Variants in CLEC12A observed in about 807,000 individuals in gnomAD.
CLEC12A encodes C-type lectin domain family 12 member A.
Under a neutral mutation model 26.5 loss-of-function variants are expected in CLEC12A, and 22 were observed. The ratio of observed to expected loss-of-function variants is 0.83; its 90% CI spans 0.59 to 1.19. CLEC12A has a LOEUF of 1.19. Among genes scored for constraint, CLEC12A ranks in the 50% most tolerant of loss-of-function variants. The pLI is 0.00. For missense variants in CLEC12A, 353 were observed against 315.6 expected, an observed-to-expected ratio of 1.12 and a Z score of -0.90; for synonymous variants, 119 against 101.9, an observed-to-expected ratio of 1.17 and a Z score of -1.01.
chr12:9,958,447 G>A (rs1863777662), intron 1 of CLEC12A, among the ~76,000 whole-genome samples: 4 of 152,178 alleles, frequency 2.6e-5, no homozygotes, highest in African/African-American at 7.2e-5. Flanking sequence ...TCCAGATGAA[G>A]CAACAGATAT....
At chr12:9,957,119 CT>C in intron 1 of CLEC12A, among the ~76,000 whole-genome samples, 1 of 152,200 alleles carries the variant, frequency 6.6e-6, no homozygotes, top group Non-Finnish European at 1.5e-5. Flanking sequence ...AAGTCTGTGC[CT>C]TTCTCCAAAG....
At position 9,982,008 on chromosome 12, in the gene CLEC12A, T is replaced by A; in HGVS notation, c.532-12T>A. On this transcript the variant is annotated splice_polypyrimidine_tract_variant and intron_variant, in intron 4 of 5. Coordinates refer to ENST00000304361, the MANE Select transcript of CLEC12A (RefSeq NM_138337.6). ...GACTGTTTCTTAAACAGACTATCTG[T>A]ATTTCCTGTAGGAATTTATAAAATC... 7.8e-7 allele frequency: 1 copy of A among 1,287,810 alleles called. No homozygotes were observed. 79.8% of individuals were successfully genotyped at this position (1,287,810 alleles called of 1,614,324 possible).
the CLEC12A span, among the ~76,000 whole-genome samples, chr12:10,001,927 T>G: frequency 1.3e-5 from 2 of 148,912 alleles, no homozygotes; most frequent in Non-Finnish European, 3.0e-5. Flanking sequence ...TCGTCCAGGC[T>G]GGAGTGCAGT....
downstream of CLEC12A, chr12:9,998,249 T>C (rs767930448): frequency 6.5e-7 from 1 of 1,545,888 alleles, no homozygotes; most frequent in African/African-American, 1.4e-5. Flanking sequence ...ATTACCTTCC[T>C]CCAGTCAAAT....
the CLEC12A span, among the ~76,000 whole-genome samples, chr12:10,005,605 A>G: frequency 0.38 from 57,731 of 152,108 alleles, 11,294 homozygotes; most frequent in African/African-American, 0.42. Flanking sequence ...GAAAGCCACA[A>G]GGCAAGTAAG....
At position 9,992,311 on chromosome 12, in the gene CLEC12A, T is replaced by C. The variant is rs1864911397; in HGVS notation, n.1005-2707T>C. 2.0e-5 allele frequency: 3 copies of C among 152,152 alleles called. No homozygotes were observed. The South Asian group carries it at 6.2e-4, about 31-fold the overall frequency. 9.4% of individuals were successfully genotyped at this position (152,152 alleles called of 1,614,324 possible). A position where few individuals can be genotyped will look rare whatever the true frequency, so the allele number is the denominator to read the frequency against. On this transcript the variant is annotated intron_variant and non_coding_transcript_variant, in intron 4 of 4. Transcript: ENST00000449959. ...ACCCAGTGAGTTTTCTTGCAAACTT[T>C]CTTTTCCTTCTCTAGCGCAGAAAAT... is the stretch of plus-strand genomic sequence containing the variant.
At chr12:9,978,883 A>G in intron 1 of CLEC12A, 83 bp from the exon 2 acceptor site, 6 of 936,870 alleles carry the variant, frequency 6.4e-6, no homozygotes, top group Non-Finnish European at 1.0e-5. Flanking sequence ...TAAAGGTAAA[A>G]TGAATGAATG....
At chr12:9,965,054 A>T (rs1863906073) in intron 1 of CLEC12A, among the ~76,000 whole-genome samples, 1 of 152,170 alleles carries the variant, frequency 6.6e-6, no homozygotes, top group Non-Finnish European at 1.5e-5. Flanking sequence ...CAGGTGGGAG[A>T]AAGAAAATAG....
chr12:9,999,916 C>T (rs1338419417), downstream of CLEC12A, among the ~76,000 whole-genome samples: 1 of 152,140 alleles, frequency 6.6e-6, no homozygotes, highest in East Asian at 1.9e-4. Flanking sequence ...TTCCTAGCAC[C>T]TTTTCATCAC....
At chr12:9,972,169 T>A (rs772244954) in intron 1 of CLEC12A, among the ~76,000 whole-genome samples, 2 of 152,048 alleles carry the variant, frequency 1.3e-5, no homozygotes, top group South Asian at 2.1e-4. Flanking sequence ...TTCTCCTACT[T>A]CTTTTGGAGA....
chr12:9,970,239 G>A (rs1368140921), upstream of CLEC12A, among the ~76,000 whole-genome samples: 1 of 151,626 alleles, frequency 6.6e-6, no homozygotes, highest in African/African-American at 2.4e-5. Context: ...TTCTTCAATA[G>A]TTTTAAAATT....
chr12:9,990,102 C>T (rs963693706), downstream of CLEC12A, among the ~76,000 whole-genome samples: 31 of 152,128 alleles, frequency 2.0e-4, no homozygotes, highest in African/African-American at 7.5e-4. Flanking sequence ...CACCCAAGAG[C>T]TCTTATAGAC....
intron 1 of CLEC12A, among the ~76,000 whole-genome samples, chr12:9,977,134 C>A (rs1354700836): frequency 6.6e-6 from 1 of 152,140 alleles, no homozygotes; most frequent in Non-Finnish European, 1.5e-5. Flanking sequence ...ATACTGCCTA[C>A]AAATGTGCAT....
chr12:10,005,363 G>A, the CLEC12A span, among the ~76,000 whole-genome samples: 10 of 152,148 alleles, frequency 6.6e-5, no homozygotes, highest in Non-Finnish European at 8.8e-5. Context: ...GCAGACCCTC[G>A]TTGTGCTCAT....
At chr12:9,953,046 C>G (rs569407459) in intron 1 of CLEC12A, 1 of 138,160 alleles carries the variant, frequency 7.2e-6, no homozygotes, top group African/African-American at 3.1e-5. Context: ...AAGTGAGGAG[C>G]GTCTCCGCCC....
chr12:9,956,558 C>G (rs1021144231), intron 1 of CLEC12A, among the ~76,000 whole-genome samples: 1 of 152,138 alleles, frequency 6.6e-6, no homozygotes, highest in African/African-American at 2.4e-5. Flanking sequence ...AAGCACAGAT[C>G]AATTATTGGT....
chr12:9,969,054 T>C (rs1413129276), upstream of CLEC12A, among the ~76,000 whole-genome samples: 1 of 152,154 alleles, frequency 6.6e-6, no homozygotes, highest in African/African-American at 2.4e-5. Flanking sequence ...AGAATGAATC[T>C]CATGGAAGCA....
chr12:9,984,725 T>C (rs1437830402), intron 5 of CLEC12A, 145 bp from the exon 6 acceptor site: 1 of 695,928 alleles, frequency 1.4e-6, no homozygotes, highest in Non-Finnish European at 2.0e-6. Context: ...CGGACATTCT[T>C]GATACTCTGA....
chr12:9,997,726 T>C (rs1323923885), downstream of CLEC12A, among the ~76,000 whole-genome samples: 6 of 152,292 alleles, frequency 3.9e-5, no homozygotes, highest in African/African-American at 1.4e-4. Context: ...TACAAGAGGA[T>C]AAATGTTAGA....
Sources: allele counts gnomAD v4.1 joint callset (sites outside exome capture counted in the v4.1 genomes callset), GRCh38; gene constraint gnomAD v4.1.1; transcripts MANE v1.5; gene names NCBI Gene and HGNC (gene_info 2026-07-23, HGNC 2026-07-21).